Variants in SMARCAD1 observed in about 807,000 individuals in gnomAD.
The protein encoded by SMARCAD1 is SWI/SNF-related matrix-associated actin-dependent regulator of chromatin subfamily A containing DEAD/H box 1.
In SMARCAD1, 25 loss-of-function variants were observed where a neutral mutation model predicts 127.1. That is an observed-to-expected ratio of 0.20 (90% CI 0.14 to 0.27). SMARCAD1 has a LOEUF of 0.27. SMARCAD1 is among the 10% of genes least tolerant of loss of function. SMARCAD1 has a pLI of 1.00. For synonymous variants in SMARCAD1, 400 were observed against 396.9 expected, an observed-to-expected ratio of 1.01 and a Z score of -0.09; for missense variants, 807 against 1,206.0, an observed-to-expected ratio of 0.67 and a Z score of 4.90.
At chr4:94,227,017 A>G (rs572872542) in intron 3 of SMARCAD1, among the ~76,000 whole-genome samples, 1 of 152,040 alleles carries the variant, frequency 6.6e-6, no homozygotes, top group Admixed American at 6.6e-5. Context: ...GGGTCAGGGA[A>G]TGGTTTCTAA....
At chr4:94,274,345 T>A (rs1752961511) in intron 12 of SMARCAD1, among the ~76,000 whole-genome samples, 1 of 152,144 alleles carries the variant, frequency 6.6e-6, no homozygotes, top group Non-Finnish European at 1.5e-5. Context: ...TTATTTTTTT[T>A]AAGACAGTCT....
At chr4:94,275,820 G>T (rs867192161) in intron 14 of SMARCAD1, among the ~76,000 whole-genome samples, 7 of 31,384 alleles carry the variant, frequency 2.2e-4, no homozygotes, top group Admixed American at 4.5e-4. Flanking sequence ...TTTTTGAGAC[G>T]GAGTCTCACT....
At chr4:94,246,611 G>A (rs1748465841) in intron 6 of SMARCAD1, among the ~76,000 whole-genome samples, 1 of 152,174 alleles carries the variant, frequency 6.6e-6, no homozygotes, top group Non-Finnish European at 1.5e-5. Context: ...AAAGTGGTGG[G>A]CCTCAGAGTG....
intron 2 of SMARCAD1, chr4:94,213,085 A>G (rs1296452500): frequency 1.6e-6 from 2 of 1,288,210 alleles, no homozygotes; most frequent in African/African-American, 1.5e-5. Flanking sequence ...GAGAGATCCT[A>G]CTATATTTTA....
intron 21 of SMARCAD1, 119 bp from the exon 22 acceptor site, chr4:94,283,002 A>G (rs1214809285): frequency 7.5e-6 from 6 of 802,706 alleles, no homozygotes; most frequent in Non-Finnish European, 1.0e-5. Context: ...AATAACTGCA[A>G]TACTAAGAGA....
chr4:94,286,142 A>G (rs921755342), intron 23 of SMARCAD1, among the ~76,000 whole-genome samples: 15 of 152,082 alleles, frequency 9.9e-5, no homozygotes, highest in Non-Finnish European at 1.8e-4. Context: ...AAATTTTTCA[A>G]CCTCCTGTGA....
intron 9 of SMARCAD1, among the ~76,000 whole-genome samples, chr4:94,259,526 G>A (rs1750633902): frequency 6.6e-6 from 1 of 152,128 alleles, no homozygotes; most frequent in African/African-American, 2.4e-5. Flanking sequence ...GGTAGGGAGT[G>A]TTAAGGGGTC....
At chr4:94,218,962 C>T (rs1743646044) in intron 2 of SMARCAD1, among the ~76,000 whole-genome samples, 3 of 151,966 alleles carry the variant, frequency 2.0e-5, no homozygotes, top group African/African-American at 7.3e-5. Flanking sequence ...CAGATGTGCA[C>T]CACCACGCCT....
chr4:94,278,264 C>T (rs113785802), intron 16 of SMARCAD1, among the ~76,000 whole-genome samples, 158 bp from the exon 17 acceptor site: 2 of 151,948 alleles, frequency 1.3e-5, no homozygotes, highest in African/African-American at 2.4e-5. Context: ...ACATGGCAGC[C>T]CAGAATTCAG....
intron 8 of SMARCAD1, among the ~76,000 whole-genome samples, chr4:94,252,140 A>T (rs1325146265): frequency 1.3e-5 from 2 of 152,208 alleles, no homozygotes; most frequent in African/African-American, 4.8e-5. Flanking sequence ...GTGAGCCACC[A>T]TGCCCAGCCT....
intron 20 of SMARCAD1, among the ~76,000 whole-genome samples, 155 bp from the exon 21 acceptor site, chr4:94,281,317 T>C (rs1753991855): frequency 6.6e-6 from 1 of 152,248 alleles, no homozygotes; most frequent in Admixed American, 6.5e-5. Context: ...GTCTTCGGTA[T>C]TACTGATTTG....
intron 9 of SMARCAD1, among the ~76,000 whole-genome samples, chr4:94,254,337 T>A (rs973672968): frequency 6.6e-6 from 1 of 152,104 alleles, no homozygotes; most frequent in African/African-American, 2.4e-5. Context: ...TGGTCTCTTA[T>A]GTTGTTGCAG....
At chr4:94,246,195 C>T (rs547049096) in intron 6 of SMARCAD1, among the ~76,000 whole-genome samples, 45 of 151,924 alleles carry the variant, frequency 3.0e-4, no homozygotes, top group South Asian at 2.7e-3. Flanking sequence ...TCCTGGCTCA[C>T]CGCAACCTCC....
intron 6 of SMARCAD1, among the ~76,000 whole-genome samples, chr4:94,247,773 T>A (rs553090314): frequency 6.6e-6 from 1 of 152,346 alleles, no homozygotes; most frequent in African/African-American, 2.4e-5. Flanking sequence ...GGTGGAATTA[T>A]ATAATATGTA....
chr4:94,250,892 A>C, intron 8 of SMARCAD1, 59 bp downstream of exon 8: 1 of 1,340,660 alleles, frequency 7.5e-7, no homozygotes, highest in Non-Finnish European at 1.1e-6. Context: ...ATTTTAGTAT[A>C]TAAGAAAATG....
At chr4:94,254,798 TAAA>T (rs1465746602) in intron 9 of SMARCAD1, among the ~76,000 whole-genome samples, 2 of 152,120 alleles carry the variant, frequency 1.3e-5, no homozygotes, top group Non-Finnish European at 2.9e-5. Flanking sequence ...ATTAATAGTG[TAAA>T]TTAGCAAGTA....
At position 94,244,003 on chromosome 4, in the gene SMARCAD1, C is replaced by A. The variant is rs545703491; in HGVS notation, c.705+2997C>A. ...TCCCAAGCAACAGATATAAAGGAAT[C>A]CACATTATGGACCATCAAAGATAAT... On this transcript the variant is annotated intron_variant, in intron 6 of 23. Transcript: ENST00000354268. Among the ~76,000 whole-genome samples, 79 of 152,210 alleles carry A rather than the reference C, an allele frequency of 5.2e-4. 1 individual carries two copies. In the South Asian group the frequency reaches 0.011, roughly 21 times the overall value.
rs1231849085 is a variant in SMARCAD1 at position 94,244,247 on chromosome 4, T to A, written c.705+3241T>A. Reference sequence around the variant, plus strand: ...AGTCACTGTACCCTGCATAAGTGGCTCCTTTTAGTGCTAGTAGTGGTTGCT... The same window carrying A: ...AGTCACTGTACCCTGCATAAGTGGCACCTTTTAGTGCTAGTAGTGGTTGCT... On this transcript the variant is annotated intron_variant, in intron 6 of 23. Coordinates refer to ENST00000354268, the MANE Select transcript of SMARCAD1 (RefSeq NM_020159.5). Among the ~76,000 whole-genome samples the A allele has an allele frequency of 2.0e-5, 3 of 152,218 alleles. No homozygotes were observed. The East Asian group carries it at 5.8e-4, about 29-fold the overall frequency.
chr4:94,209,420 T>G (rs538167470), intron 2 of SMARCAD1, among the ~76,000 whole-genome samples: 2 of 149,584 alleles, frequency 1.3e-5, no homozygotes, highest in Non-Finnish European at 2.9e-5. Context: ...ATAAACTAAT[T>G]AGTTAGTTTC....
Sources: gnomAD v4.1 joint callset for allele counts (sites outside exome capture counted in the v4.1 genomes callset) on GRCh38, gnomAD v4.1.1 for gene constraint, MANE v1.5 for transcripts, NCBI Gene and HGNC (gene_info 2026-07-23, HGNC 2026-07-21) for gene names.